CDH23: variants seen among roughly 807,000 people sequenced by gnomAD.
CDH23 encodes cadherin related 23.
In CDH23, 189 loss-of-function variants were observed where a neutral mutation model predicts 317.1. The observed-to-expected ratio is 0.60, with a 90% confidence interval of 0.53 to 0.67. CDH23 has a LOEUF of 0.67. Among genes scored for constraint, CDH23 ranks in the 30% least tolerant of loss-of-function variants. CDH23 has a pLI of 0.00. For synonymous variants in CDH23, 1,839 were observed against 1,876.8 expected (o/e 0.98, Z 0.52); for missense variants, 4,401 against 4,592.4 (o/e 0.96, Z 1.20).
rs200177873 is a variant in CDH23 at position 71,709,109 on chromosome 10, G to T, written c.3118G>T (p.Asp1040Tyr). ...TCCTTCACCCACAGGTGGCAACGTG[G>T]ATGGGAAGTTCAGCGTGGGTTACCG... ...LSYFITGGNV[D>Y]GKFSVGYRDA... is the part of the protein sequence containing the mutation. Residue 1040 changes from aspartate to tyrosine, a missense_variant, in exon 27 of 70, where the codon GAT becomes TAT. By Grantham distance (160) the Asp-to-Tyr change is radical. Around this residue, in one of 3 missense-constraint regions of CDH23, gnomAD observed 3,068 missense variants for 3,203.3 expected, o/e 0.96. Coordinates refer to ENST00000224721, the MANE Select transcript of CDH23 (RefSeq NM_022124.6). The T allele has an allele frequency of 3.9e-4, 626 of 1,613,892 alleles. 1 individual carries two copies. The highest frequency in any genetic ancestry group is 4.7e-4 in the Non-Finnish European group (554 of 1,179,894).
chr10:71,701,870 C>A (rs1029823270), intron 22 of CDH23, among the ~76,000 whole-genome samples, 152 bp from the exon 23 acceptor site: 1 of 152,126 alleles, frequency 6.6e-6, no homozygotes, highest in Admixed American at 6.5e-5. Context: ...CTCGGACCCC[C>A]CTACCGGGCC....
intron 22 of CDH23, 42 bp downstream of exon 22, chr10:71,695,567 C>A: frequency 7.1e-7 from 1 of 1,417,712 alleles, no homozygotes; most frequent in Non-Finnish European, 1.0e-6. Context: ...GCGGCCCTTC[C>A]CAGGGGTCTG....
At position 71,413,248 on chromosome 10, in the gene CDH23, T is replaced by A. The variant is rs535881771; in HGVS notation, c.-6+15930T>A. 5.1e-4 allele frequency among the ~76,000 whole-genome samples: 77 copies of A among 152,330 alleles called. 1 individual carries two copies. In the South Asian group the frequency reaches 0.016, roughly 31 times the overall value. On this transcript the variant is annotated intron_variant, in intron 1 of 69. Transcript: ENST00000224721. ...GTTGAAAAAACTGTCCTTTCCCCAT[T>A]GAATGATCTTAGCACCCTTGTTAAA...
Position 71,773,628 on chromosome 10 carries a change from G to A in CDH23, c.4846-4052G>A, listed in dbSNP as rs376505146. The A allele has an allele frequency of 1.8e-3, 866 of 485,460 alleles. 13 individuals are homozygous for A. In the South Asian group the frequency reaches 0.018, roughly 10 times the overall value. 30.1% of individuals were successfully genotyped at this position (485,460 alleles called of 1,614,324 possible). Reference sequence around the variant, plus strand: ...CCGTGTGGGGGAACTGCCTCTCCGAGGGCCGCGTGGGAGGGGCTTCCCGGA... The same window carrying A: ...CCGTGTGGGGGAACTGCCTCTCCGAAGGCCGCGTGGGAGGGGCTTCCCGGA... On this transcript the variant is annotated intron_variant, in intron 38 of 69. Transcript: ENST00000224721.
intron 9 of CDH23, among the ~76,000 whole-genome samples, chr10:71,613,471 A>T (rs978769907): frequency 1.3e-5 from 2 of 152,186 alleles, no homozygotes; most frequent in African/African-American, 4.8e-5. Context: ...AGTTCTAAAC[A>T]GGCCCCACTG....
rs1194210698 is a variant in CDH23 at position 71,507,193 on chromosome 10, G to A, written c.146-2889G>A. Among the ~76,000 whole-genome samples, 4 of 152,158 alleles carry A rather than the reference G, an allele frequency of 2.6e-5. No homozygotes were observed. In the East Asian group the frequency reaches 5.8e-4, roughly 22 times the overall value. On this transcript the variant is annotated intron_variant, in intron 3 of 69. Transcript: ENST00000224721. ...TGCAGGCTGCCATGGACTCATTGTT[G>A]CACCTGGACAAGCAAGGCGCTTATG...
chr10:71,484,947 C>T (rs945334940), intron 3 of CDH23, among the ~76,000 whole-genome samples: 4 of 151,674 alleles, frequency 2.6e-5, no homozygotes, highest in Non-Finnish European at 5.9e-5. Flanking sequence ...GTATTGGCTG[C>T]AAGTTACAGA....
At chr10:71,800,834 C>T (rs1435007242) in intron 53 of CDH23, 79 bp downstream of exon 53, 1 of 1,557,542 alleles carries the variant, frequency 6.4e-7, no homozygotes, top group Non-Finnish European at 8.7e-7. Flanking sequence ...AGCAAGTGGA[C>T]TGCTGCAGAC....
At chr10:71,561,185 T>A (rs1012150442) in intron 6 of CDH23, among the ~76,000 whole-genome samples, 4 of 152,090 alleles carry the variant, frequency 2.6e-5, no homozygotes, top group African/African-American at 9.7e-5. Context: ...CTTTCCTCCC[T>A]TTTCTCTCGC....
At position 71,761,023 on chromosome 10, in the gene CDH23, C is replaced by T. The variant is rs534829898; in HGVS notation, c.4846-16657C>T. ...GTCCCCCTCCTGCCCCAGGTTCTCACGCTAGTGCCTACTCGGCAGTGTTGG... is the reference window on the plus strand; with the variant it reads ...GTCCCCCTCCTGCCCCAGGTTCTCATGCTAGTGCCTACTCGGCAGTGTTGG... On this transcript the variant is annotated intron_variant, in intron 38 of 69. Coordinates refer to ENST00000224721, the MANE Select transcript of CDH23 (RefSeq NM_022124.6). 70 of 1,209,072 alleles carry T rather than the reference C, an allele frequency of 5.8e-5. 1 individual carries two copies. Among genetic ancestry groups the T allele is most frequent in the Middle Eastern group, 2.6e-4 (1 of 3,858 alleles). 74.9% of individuals were successfully genotyped at this position (1,209,072 alleles called of 1,614,324 possible).
At chr10:71,414,192 G>A (rs902776600) in intron 1 of CDH23, among the ~76,000 whole-genome samples, 2 of 151,670 alleles carry the variant, frequency 1.3e-5, no homozygotes, top group Admixed American at 6.6e-5. Context: ...TTGTCTAATT[G>A]CTCTGGCTAC....
At chr10:71,456,580 GATA>G (rs1480326709) in intron 3 of CDH23, among the ~76,000 whole-genome samples, 7 of 152,176 alleles carry the variant, frequency 4.6e-5, no homozygotes, top group Non-Finnish European at 7.4e-5. Context: ...TAACACTAAT[GATA>G]ATGATGATGT....
intron 3 of CDH23, among the ~76,000 whole-genome samples, chr10:71,485,317 G>A (rs1008777614): frequency 4.5e-4 from 69 of 152,208 alleles, no homozygotes; most frequent in African/African-American, 1.5e-3. Context: ...GAGCCACTGC[G>A]CCTGGCTGGG....
chr10:71,574,509 C>G (rs1858040853), intron 8 of CDH23, among the ~76,000 whole-genome samples: 1 of 152,106 alleles, frequency 6.6e-6, no homozygotes, highest in Non-Finnish European at 1.5e-5. Flanking sequence ...ATCGGAAGTC[C>G]CCTTCAGCCC....
intron 22 of CDH23, among the ~76,000 whole-genome samples, chr10:71,697,467 G>A (rs149603970): frequency 6.6e-6 from 1 of 152,140 alleles, no homozygotes; most frequent in Non-Finnish European, 1.5e-5. Flanking sequence ...CCAGGAGTTT[G>A]AGACCAGTAT....
chr10:71,422,892 G>A (rs1848878760), intron 1 of CDH23, among the ~76,000 whole-genome samples: 1 of 152,148 alleles, frequency 6.6e-6, no homozygotes, highest in Non-Finnish European at 1.5e-5. Flanking sequence ...CCATTTCCTG[G>A]GCAACTTCAC....
At chr10:71,416,349 G>T (rs910709069) in intron 1 of CDH23, among the ~76,000 whole-genome samples, 3 of 152,224 alleles carry the variant, frequency 2.0e-5, no homozygotes, top group Middle Eastern at 6.8e-3. Flanking sequence ...TAACTTATTA[G>T]AGTAATTTTT....
At chr10:71,701,791 C>G (rs1865595425) in intron 22 of CDH23, among the ~76,000 whole-genome samples, 1 of 152,132 alleles carries the variant, frequency 6.6e-6, no homozygotes, top group African/African-American at 2.4e-5. Context: ...TTTCAAAAAT[C>G]TTAGCTGGAA....
intron 38 of CDH23, among the ~76,000 whole-genome samples, chr10:71,756,379 G>C (rs1402417943): frequency 6.6e-6 from 1 of 152,082 alleles, no homozygotes; most frequent in Non-Finnish European, 1.5e-5. Flanking sequence ...TTATCACATG[G>C]CTCCCACTAA....
Sources: allele counts gnomAD v4.1 joint callset (sites outside exome capture counted in the v4.1 genomes callset), GRCh38; gene constraint gnomAD v4.1.1; regional missense constraint gnomAD v4.1.1; transcripts MANE v1.5; gene names NCBI Gene and HGNC (gene_info 2026-07-23, HGNC 2026-07-21).